Variants in MAEL observed in about 807,000 individuals in gnomAD.
MAEL encodes the protein protein maelstrom homolog.
In MAEL, 46 loss-of-function variants were observed where a neutral mutation model predicts 62.0. The ratio of observed to expected loss-of-function variants is 0.74; its 90% CI spans 0.59 to 0.95. MAEL has a LOEUF of 0.95. Ranked by LOEUF, MAEL falls within the 40% of genes least tolerant of loss-of-function variation. The pLI is 0.00. For missense variants in MAEL, 497 were observed against 526.8 expected, an observed-to-expected ratio of 0.94 and a Z score of 0.55; for synonymous variants, 172 against 175.5, an observed-to-expected ratio of 0.98 and a Z score of 0.16.
chr1:167,000,725 C>T (rs1272725557), intron 5 of MAEL, among the ~76,000 whole-genome samples: 1 of 152,218 alleles, frequency 6.6e-6, no homozygotes, highest in Non-Finnish European at 1.5e-5. Context: ...GCCACAGCAA[C>T]TGCAGGCTTC....
At chr1:167,003,013 G>A (rs1029679985) in intron 5 of MAEL, among the ~76,000 whole-genome samples, 1 of 152,086 alleles carries the variant, frequency 6.6e-6, no homozygotes, top group South Asian at 2.1e-4. Context: ...GTCTCTGCGG[G>A]TCTTTGAAGA....
At chr1:167,003,127 C>T (rs1294664486) in intron 5 of MAEL, among the ~76,000 whole-genome samples, 1 of 152,144 alleles carries the variant, frequency 6.6e-6, no homozygotes, top group Non-Finnish European at 1.5e-5. Flanking sequence ...CTTGCTCATT[C>T]ACTCAGGCTG....
intron 8 of MAEL, among the ~76,000 whole-genome samples, chr1:167,011,516 G>A (rs1178855351): frequency 1.3e-5 from 2 of 152,102 alleles, no homozygotes; most frequent in African/African-American, 4.8e-5. Context: ...CATTAAGAGT[G>A]TTGGCGATAC....
chr1:167,005,176 T>C (rs1427569615), intron 7 of MAEL, 46 bp downstream of exon 7: 2 of 1,611,080 alleles, frequency 1.2e-6, no homozygotes, highest in East Asian at 2.2e-5. Flanking sequence ...ATAGTTAATA[T>C]CTGTATTTGT....
At chr1:167,015,669 A>G (rs1321456796) in intron 8 of MAEL, among the ~76,000 whole-genome samples, 1 of 152,154 alleles carries the variant, frequency 6.6e-6, no homozygotes, top group Non-Finnish European at 1.5e-5. Context: ...CCACTGAAAC[A>G]CCACCTTCTC....
At chr1:167,016,171 T>G in intron 8 of MAEL, 51 bp from the exon 9 acceptor site, 1 of 1,500,616 alleles carries the variant, frequency 6.7e-7, no homozygotes, top group East Asian at 2.3e-5. Flanking sequence ...TATAAAAACC[T>G]TTAAGCAGTG....
chr1:166,984,257 C>T (rs1188850775), upstream of MAEL, among the ~76,000 whole-genome samples: 3 of 152,162 alleles, frequency 2.0e-5, no homozygotes, highest in Admixed American at 2.0e-4. Context: ...CCCAGCCTTT[C>T]CTTTCTGTTC....
At chr1:166,980,754 C>T (rs1342511271) in intron 1 of MAEL, among the ~76,000 whole-genome samples, 1 of 152,080 alleles carries the variant, frequency 6.6e-6, no homozygotes, top group African/African-American at 2.4e-5. Flanking sequence ...GCATTGACAG[C>T]CCCCCAGATG....
chr1:166,979,650 T>C lies in MAEL; in HGVS notation c.-121+3984T>C, dbSNP rs972837208. 3.3e-5 allele frequency among the ~76,000 whole-genome samples: 5 copies of C among 152,324 alleles called. 1 individual carries two copies. In the South Asian group the frequency reaches 8.3e-4, roughly 25 times the overall value. The stretch of plus-strand genomic sequence containing the variant: ...CTAGAAATTTAAAAAGGTAAAAGCC[T>C]GGGAGAATGTGTTGAAAATTCCATG... On this transcript the variant is annotated intron_variant, in intron 1 of 12. Transcript: ENST00000622874.
In MAEL at chr1:167,005,386, T is replaced by A. The variant is rs201245864; in HGVS notation, c.834T>A (p.Ser278=). The A allele has an allele frequency of 6.7e-5, 107 of 1,607,938 alleles. No homozygotes were observed. Among genetic ancestry groups the A allele is most frequent in the Non-Finnish European group, 5.9e-6 (7 of 1,177,840 alleles). The change falls in exon 8 of 12, where the codon TCT becomes TCA. Residue 278 remains serine (S), a synonymous_variant. Transcript: ENST00000367872. ...SLLDVAMWDY[S]SNTRCKWHEE... is the part of the protein sequence containing the mutation. ...TAGATGTGGCCATGTGGGATTATTC[T>A]AGCAACACAAGGTATTGCTAGCATT...
At chr1:167,020,586 C>G (rs1346383949) in intron 10 of MAEL, among the ~76,000 whole-genome samples, 1 of 152,054 alleles carries the variant, frequency 6.6e-6, no homozygotes, top group Non-Finnish European at 1.5e-5. Context: ...TAGCTGATTC[C>G]TTTGCCTCCT....
chr1:167,021,063 G>C (rs559918051), intron 10 of MAEL, 22 bp from the exon 11 acceptor site: 2 of 1,550,454 alleles, frequency 1.3e-6, no homozygotes, highest in South Asian at 1.1e-5. Context: ...TTTTCCCCCT[G>C]GTATTTTCCT....
chr1:166,986,945 C>CGTGTGTGTGTGTGTGTGTGTGTGT (rs58393275), upstream of MAEL, among the ~76,000 whole-genome samples: 1 of 147,030 alleles, frequency 6.8e-6, no homozygotes, highest in Admixed American at 6.8e-5. Flanking sequence ...AGGAAGGGGA[C>CGTGTGTGTGTGTGTGTGTGTGTGT]GTGTGTGTGT....
intron 10 of MAEL, 49 bp downstream of exon 10, chr1:167,018,008 C>A: frequency 1.3e-6 from 2 of 1,563,212 alleles, no homozygotes; most frequent in South Asian, 2.4e-5. Context: ...CTGTTCTACT[C>A]AATGTGATTC....
In MAEL at chr1:166,994,089, G is replaced by A; in HGVS notation, c.523+20G>A. 2 of 1,608,270 alleles carry A rather than the reference G, an allele frequency of 1.2e-6. No homozygotes were observed. The highest frequency in any genetic ancestry group is 1.1e-5 in the South Asian group (1 of 90,346). ...CTGCAAGTAAGTATAAAGGAATGGG[G>A]TAGGATTTGTGACTTGAATCTATTC... On this transcript the variant is annotated intron_variant, in intron 5 of 11. Transcript: ENST00000367872.
At chr1:166,996,602 G>A (rs1221739724) in intron 5 of MAEL, among the ~76,000 whole-genome samples, 2 of 152,168 alleles carry the variant, frequency 1.3e-5, no homozygotes, top group African/African-American at 4.8e-5. Context: ...CATTTCCAGT[G>A]CCATTGAAAG....
intron 8 of MAEL, among the ~76,000 whole-genome samples, chr1:167,015,711 ATGT>A (rs1374268238): frequency 1.3e-5 from 2 of 152,158 alleles, no homozygotes; most frequent in African/African-American, 2.4e-5. Flanking sequence ...TTTATCTAAA[ATGT>A]TGTTCCTCTC....
intron 10 of MAEL, 82 bp from the exon 11 acceptor site, chr1:167,021,003 T>C: frequency 2.0e-6 from 2 of 1,005,696 alleles, no homozygotes; most frequent in African/African-American, 3.2e-5. Flanking sequence ...TTTTAAAGAG[T>C]AATATGAAAT....
At chr1:166,982,497 T>C (rs1047841007) in intron 1 of MAEL, among the ~76,000 whole-genome samples, 12 of 152,058 alleles carry the variant, frequency 7.9e-5, no homozygotes, top group Admixed American at 1.3e-4. Context: ...ATTACTACTA[T>C]TATTATTATT....
Sources: allele counts gnomAD v4.1 joint callset (sites outside exome capture counted in the v4.1 genomes callset), GRCh38; gene constraint gnomAD v4.1.1; transcripts MANE v1.5; gene names NCBI Gene and HGNC (gene_info 2026-07-23, HGNC 2026-07-21).